Variants in PTPRE observed in about 807,000 individuals in gnomAD.
PTPRE encodes receptor-type tyrosine-protein phosphatase epsilon.
Under a neutral mutation model 102.0 loss-of-function variants are expected in PTPRE, and 51 were observed. The ratio of observed to expected loss-of-function variants is 0.50; its 90% CI spans 0.40 to 0.63. The LOEUF (loss-of-function observed/expected upper bound fraction) is 0.63. Ranked by LOEUF, PTPRE falls within the 30% of genes least tolerant of loss-of-function variation. The pLI is 0.00. For missense variants in PTPRE, 752 were observed against 915.1 expected (o/e 0.82, Z 2.30); for synonymous variants, 345 against 348.2 (o/e 0.99, Z 0.10).
intron 7 of PTPRE, among the ~76,000 whole-genome samples, chr10:128,058,924 C>T (rs551657021): frequency 6.6e-6 from 1 of 152,274 alleles, no homozygotes; most frequent in South Asian, 2.1e-4. Context: ...GGTCAGAGGT[C>T]AAGGTGCTTT....
At chr10:128,074,173 A>G (rs1027485220) in intron 17 of PTPRE, among the ~76,000 whole-genome samples, 1 of 152,228 alleles carries the variant, frequency 6.6e-6, no homozygotes, top group African/African-American at 2.4e-5. Flanking sequence ...AAATGGAATC[A>G]TACAGTATGT....
At chr10:127,910,526 A>C (rs912655551) in intron 1 of PTPRE, among the ~76,000 whole-genome samples, 31 of 152,298 alleles carry the variant, frequency 2.0e-4, no homozygotes, top group African/African-American at 6.5e-4. Flanking sequence ...CCAGTGCTTT[A>C]AGGGTGGAGG....
At chr10:128,024,836 G>A (rs969277840) in intron 2 of PTPRE, among the ~76,000 whole-genome samples, 4 of 152,112 alleles carry the variant, frequency 2.6e-5, no homozygotes, top group Admixed American at 6.5e-5. Flanking sequence ...ATAATCCACA[G>A]GTGTGCACTT....
chr10:128,069,790 G>T lies in PTPRE; in HGVS notation c.1106G>T (p.Arg369Leu), dbSNP rs781329478. ...GTGGATGTGTTTGAATTTGTGTCTC[G>T]AATCCGTAATCAGCGCCCTCAGATG... ...QKVDVFEFVS[R>L]IRNQRPQMVQ... Residue 369 changes from arginine to leucine, a missense_variant, in exon 13 of 21, where the codon CGA (arginine) becomes CTA (leucine). Arg to Leu is a moderately radical substitution (Grantham distance 102, BLOSUM62 -2). Coordinates refer to ENST00000254667, the MANE Select transcript of PTPRE (RefSeq NM_006504.6). The T allele has an allele frequency of 6.2e-7, 1 of 1,614,200 alleles. No individual in the cohort carries two copies. The highest frequency in any genetic ancestry group is 8.5e-7 in the Non-Finnish European group (1 of 1,180,036).
At chr10:128,058,069 T>G (rs1029056732) in intron 7 of PTPRE, among the ~76,000 whole-genome samples, 5 of 152,246 alleles carry the variant, frequency 3.3e-5, no homozygotes, top group African/African-American at 1.2e-4. Flanking sequence ...CCTGAATTCC[T>G]CATTTCTCTC....
intron 20 of PTPRE, among the ~76,000 whole-genome samples, chr10:128,080,376 C>A (rs534117121): frequency 6.6e-6 from 1 of 152,336 alleles, no homozygotes; most frequent in East Asian, 1.9e-4. Flanking sequence ...TCCACGCTGA[C>A]AATCCTGGCT....
At chr10:127,939,860 G>A (rs1036518941) in intron 1 of PTPRE, among the ~76,000 whole-genome samples, 4 of 150,730 alleles carry the variant, frequency 2.7e-5, no homozygotes, top group African/African-American at 9.8e-5. Flanking sequence ...ATGTGGGCAG[G>A]TGGAGGCAGG....
rs7918847 is a variant in PTPRE at position 128,085,692 on chromosome 10, A to C, written c.*2786A>C. On this transcript the variant is annotated 3_prime_UTR_variant, in exon 21 of 21. Coordinates refer to ENST00000254667, the MANE Select transcript of PTPRE (RefSeq NM_006504.6). Reference sequence around the variant, plus strand: ...AACTTATGTGCAGTCTTTATAATGTATGTATGTTATTACAGTTTCAACTAT... The same window carrying C: ...AACTTATGTGCAGTCTTTATAATGTCTGTATGTTATTACAGTTTCAACTAT... 12,536 of 152,498 alleles carry C rather than the reference A, an allele frequency of 0.082. 785 individuals carry two copies. The highest frequency in any genetic ancestry group is 0.18 in the African/African-American group (7,340 of 41,400). 9.4% of individuals were successfully genotyped at this position (152,498 alleles called of 1,614,324 possible). A position where few individuals can be genotyped will look rare whatever the true frequency, so the allele number is the denominator to read the frequency against.
intron 2 of PTPRE, among the ~76,000 whole-genome samples, chr10:128,003,465 A>T (rs4073016): frequency 0.091 from 13,924 of 152,234 alleles, 829 homozygotes; most frequent in Non-Finnish European, 0.13. Flanking sequence ...CTTTGAAACT[A>T]TACTCTGTTA....
intron 2 of PTPRE, among the ~76,000 whole-genome samples, chr10:128,019,982 G>A (rs114735383): frequency 0.011 from 1,636 of 151,846 alleles, 37 homozygotes; most frequent in African/African-American, 0.038. Flanking sequence ...GTCGACATGT[G>A]TTCCTTGGAC....
intron 1 of PTPRE, among the ~76,000 whole-genome samples, chr10:127,924,565 A>G (rs553655331): frequency 9.8e-5 from 15 of 152,290 alleles, no homozygotes; most frequent in African/African-American, 3.6e-4. Flanking sequence ...TCAGGCAGAC[A>G]TGGGATTGTC....
At chr10:128,050,330 CGG>C (rs1848461173) in intron 6 of PTPRE, among the ~76,000 whole-genome samples, 1 of 94,574 alleles carries the variant, frequency 1.1e-5, no homozygotes, top group African/African-American at 4.0e-5. Context: ...AGTGGGAGGG[CGG>C]ATGGATGGAT....
intron 1 of PTPRE, among the ~76,000 whole-genome samples, chr10:127,940,077 T>G (rs1460830852): frequency 9.2e-6 from 1 of 108,546 alleles, no homozygotes; most frequent in African/African-American, 3.6e-5. Flanking sequence ...CAAGATGAGG[T>G]AAGAGGAGCC....
chr10:127,986,654 T>C (rs1852113893), intron 2 of PTPRE, among the ~76,000 whole-genome samples: 1 of 152,222 alleles, frequency 6.6e-6, no homozygotes, highest in South Asian at 2.1e-4. Flanking sequence ...ATTTTTTCTC[T>C]TCTGACTCAT....
chr10:128,002,854 G>A (rs1211397570), intron 2 of PTPRE, among the ~76,000 whole-genome samples: 1 of 151,562 alleles, frequency 6.6e-6, no homozygotes, highest in Non-Finnish European at 1.5e-5. Context: ...CCACCATACC[G>A]GACTAATTAT....
intron 1 of PTPRE, among the ~76,000 whole-genome samples, chr10:127,974,679 G>A (rs747016284): frequency 1.6e-4 from 25 of 152,258 alleles, no homozygotes; most frequent in Admixed American, 6.5e-4. Flanking sequence ...GCTCACTAAT[G>A]TTAAATGGCT....
intron 1 of PTPRE, among the ~76,000 whole-genome samples, chr10:127,974,537 T>A (rs1183929807): frequency 6.6e-6 from 1 of 152,224 alleles, no homozygotes; most frequent in East Asian, 1.9e-4. Flanking sequence ...TGCTCACCCC[T>A]GCATTTCAAC....
chr10:128,082,197 T>TTC (rs1564982605), intron 20 of PTPRE, among the ~76,000 whole-genome samples: 1 of 61,834 alleles, frequency 1.6e-5, no homozygotes, highest in Admixed American at 1.6e-4. Context: ...TTCTCTTTCT[T>TTC]TTTTTTTTTT....
chr10:127,908,391 T>A (rs1220752677), intron 1 of PTPRE, among the ~76,000 whole-genome samples: 1 of 142,712 alleles, frequency 7.0e-6, no homozygotes, highest in African/African-American at 2.5e-5. Context: ...GATGAAGTTC[T>A]GCCTCTGCAC....
Sources: allele counts gnomAD v4.1 joint callset (sites outside exome capture counted in the v4.1 genomes callset), GRCh38; gene constraint gnomAD v4.1.1; transcripts MANE v1.5; gene names NCBI Gene and HGNC (gene_info 2026-07-23, HGNC 2026-07-21).